CSMD3: variants seen among roughly 807,000 people sequenced by gnomAD.
The protein encoded by CSMD3 is CUB and Sushi multiple domains 3.
Under a neutral mutation model 435.2 loss-of-function variants are expected in CSMD3, and 177 were observed. The ratio of observed to expected loss-of-function variants is 0.41; its 90% CI spans 0.36 to 0.46. The LOEUF (loss-of-function observed/expected upper bound fraction) is 0.46, where lower values mean the gene tolerates loss of function less well. Among genes scored for constraint, CSMD3 ranks in the 20% least tolerant of loss-of-function variants. The pLI is 0.34. For missense variants in CSMD3, 4,265 were observed against 4,504.6 expected (o/e 0.95, Z 1.52); for synonymous variants, 1,656 against 1,520.5 (o/e 1.09, Z -2.07).
At chr8:112,993,402 A>G (rs77940123) in intron 6 of CSMD3, among the ~76,000 whole-genome samples, 2,485 of 151,928 alleles carry the variant, frequency 0.016, 72 homozygotes, top group African/African-American at 0.056. Flanking sequence ...CTAAAATGGG[A>G]CATAAAATGA....
intron 22 of CSMD3, among the ~76,000 whole-genome samples, chr8:112,618,526 G>A (rs7386760): frequency 0.58 from 87,450 of 151,696 alleles, 25,775 homozygotes; most frequent in African/African-American, 0.69. Flanking sequence ...TTCTAATTTC[G>A]CATTTTTAAA....
chr8:112,405,213 C>CATATATATATATATATATATA (rs1439544983), intron 35 of CSMD3, among the ~76,000 whole-genome samples: 1 of 17,886 alleles, frequency 5.6e-5, no homozygotes, highest in African/African-American at 3.1e-4. Context: ...AAAAAAACCC[C>CATATATATATATATATATATA]CATATATATA....
chr8:112,681,294 C>T (rs1433547720), intron 16 of CSMD3, among the ~76,000 whole-genome samples: 8 of 151,630 alleles, frequency 5.3e-5, no homozygotes, highest in South Asian at 4.2e-4. Flanking sequence ...TCTCGTGATC[C>T]GCCCGCCTTG....
chr8:113,039,865 T>C (rs2087528780), intron 5 of CSMD3, among the ~76,000 whole-genome samples: 1 of 152,220 alleles, frequency 6.6e-6, no homozygotes, highest in Non-Finnish European at 1.5e-5. Context: ...ATTCAAGAAT[T>C]ATTTTTTCAC....
At position 112,380,832 on chromosome 8, in the gene CSMD3, TTC is replaced by T. The variant is rs568667581; in HGVS notation, c.6032-378_6032-377del. Among the ~76,000 whole-genome samples, 13 of 152,306 alleles carry T rather than the reference TTC, an allele frequency of 8.5e-5. No individual in the cohort carries two copies. The East Asian group carries it at 2.5e-3, about 29-fold the overall frequency. ...AAATACATATATATGTAAAGTTATATTCTGTTAGAAACATGAATGTTTGCAAT... is the reference window on the plus strand; with the variant it reads ...AAATACATATATATGTAAAGTTATATTGTTAGAAACATGAATGTTTGCAAT... On this transcript the variant is annotated intron_variant, in intron 37 of 70. Coordinates refer to ENST00000297405, the MANE Select transcript of CSMD3 (RefSeq NM_198123.2).
At chr8:112,382,470 G>A (rs10505176) in intron 37 of CSMD3, among the ~76,000 whole-genome samples, 30,857 of 151,866 alleles carry the variant, frequency 0.2, 3,687 homozygotes, top group East Asian at 0.39. Flanking sequence ...CATTGGTGAT[G>A]ATAAGTAATT....
intron 10 of CSMD3, among the ~76,000 whole-genome samples, chr8:112,893,547 G>C (rs187763648): frequency 6.6e-6 from 1 of 151,414 alleles, no homozygotes; most frequent in African/African-American, 2.4e-5. Flanking sequence ...ACTTCCTCCA[G>C]GTCACTTGGT....
At chr8:112,749,711 G>C (rs776039928) in intron 13 of CSMD3, among the ~76,000 whole-genome samples, 8 of 152,232 alleles carry the variant, frequency 5.3e-5, no homozygotes, top group Non-Finnish European at 1.2e-4. Flanking sequence ...GCTGAAGCTA[G>C]GAAAATATTC....
At chr8:112,901,490 A>G (rs781345820) in intron 10 of CSMD3, among the ~76,000 whole-genome samples, 1 of 151,278 alleles carries the variant, frequency 6.6e-6, no homozygotes, top group Non-Finnish European at 1.5e-5. Flanking sequence ...GGAGGATGAG[A>G]AACTGACTGA....
In CSMD3 at chr8:112,934,579, A is replaced by T. The variant is rs73346083; in HGVS notation, c.1509-12828T>A. Among the ~76,000 whole-genome samples the T allele has an allele frequency of 2.9e-3, 449 of 152,272 alleles. 1 individual carries two copies. Among genetic ancestry groups the T allele is most frequent in the African/African-American group, 1.0e-2 (415 of 41,572 alleles). On this transcript the variant is annotated intron_variant, in intron 9 of 70. Coordinates refer to ENST00000297405, the MANE Select transcript of CSMD3 (RefSeq NM_198123.2). Reference sequence around the variant, plus strand: ...CAAATATCATACCATTTTGCTGTGGAGCATAAAATGAGGGTGGTAACATAA... The same window carrying T: ...CAAATATCATACCATTTTGCTGTGGTGCATAAAATGAGGGTGGTAACATAA...
chr8:113,098,850 G>C lies in CSMD3; in HGVS notation c.823C>G (p.Pro275Ala), dbSNP rs2090244077. 3 of 1,612,094 alleles carry C rather than the reference G, an allele frequency of 1.9e-6. No homozygotes were observed. Among genetic ancestry groups the C allele is most frequent in the Admixed American group, 1.7e-5 (1 of 59,864 alleles). The change falls in exon 5 of 71, where the codon CCT becomes GCT. Residue 275 changes from proline to alanine, a missense_variant. Physicochemically the swap from Pro to Ala is conservative, Grantham distance 27. Transcript: ENST00000297405. The part of the protein sequence containing the change: ...ADCTWTIVAE[P>A]GDTISLIFTD... Reference sequence around the variant, plus strand: ...AATATGAGTGAAATTGTGTCCCCAGGCTCTGCTACAATGGTCCAAGTGCAA... The same window carrying C: ...AATATGAGTGAAATTGTGTCCCCAGCCTCTGCTACAATGGTCCAAGTGCAA...
At chr8:112,930,298 G>A (rs2083064669) in intron 9 of CSMD3, among the ~76,000 whole-genome samples, 1 of 152,034 alleles carries the variant, frequency 6.6e-6, no homozygotes, top group Non-Finnish European at 1.5e-5. Context: ...ACTAAATAAT[G>A]TAATGAAGAT....
chr8:112,932,038 G>C (rs796406470), intron 9 of CSMD3, among the ~76,000 whole-genome samples: 20 of 152,248 alleles, frequency 1.3e-4, no homozygotes, highest in African/African-American at 4.6e-4. Flanking sequence ...GCAGTATGAA[G>C]AGTTCTCAAA....
chr8:112,945,872 C>A (rs2083594500), intron 9 of CSMD3, among the ~76,000 whole-genome samples: 1 of 151,596 alleles, frequency 6.6e-6, no homozygotes, highest in Non-Finnish European at 1.5e-5. Context: ...GCTATTCCTT[C>A]CCTGCCGGTG....
At chr8:112,312,439 A>G (rs183258605) in intron 49 of CSMD3, among the ~76,000 whole-genome samples, 19 of 152,108 alleles carry the variant, frequency 1.2e-4, no homozygotes, top group Non-Finnish European at 1.2e-4. Context: ...TATTTTTAGT[A>G]GAGAGGGGGT....
At chr8:113,196,656 G>A (rs2092659393) in intron 3 of CSMD3, among the ~76,000 whole-genome samples, 1 of 151,126 alleles carries the variant, frequency 6.6e-6, no homozygotes, top group South Asian at 2.1e-4. Context: ...GACGACAGAA[G>A]GAGACTTCTT....
At chr8:112,375,311 C>T (rs1477823263) in intron 38 of CSMD3, among the ~76,000 whole-genome samples, 4 of 152,124 alleles carry the variant, frequency 2.6e-5, no homozygotes, top group African/African-American at 4.8e-5. Flanking sequence ...AATTCCCCTA[C>T]AGTTCTAAGC....
Position 112,741,240 on chromosome 8 carries a change from T to C in CSMD3, c.1973-51190A>G, listed in dbSNP as rs1012606777. ...CTGATAAAGCGTTAATATCCAAATA[T>C]ATAAGAAACTCCTACAACTCAATAG... On this transcript the variant is annotated intron_variant, in intron 13 of 70. Transcript: ENST00000297405. Among the ~76,000 whole-genome samples, 4 of 151,936 alleles carry C rather than the reference T, an allele frequency of 2.6e-5. No homozygotes were observed. The East Asian group carries it at 5.8e-4, about 22-fold the overall frequency.
intron 4 of CSMD3, among the ~76,000 whole-genome samples, chr8:113,138,862 T>C (rs1185202044): frequency 1.3e-5 from 2 of 150,930 alleles, no homozygotes; most frequent in African/African-American, 4.9e-5. Context: ...ATACTACATA[T>C]ATCTGAATAT....
Sources: gnomAD v4.1 joint callset for allele counts (sites outside exome capture counted in the v4.1 genomes callset) on GRCh38, gnomAD v4.1.1 for gene constraint, MANE v1.5 for transcripts, NCBI Gene and HGNC (gene_info 2026-07-23, HGNC 2026-07-21) for gene names.